The following GALNT17 variants were observed in gnomAD, a reference collection of about 807,000 sequenced individuals.
GALNT17 encodes polypeptide N-acetylgalactosaminyltransferase 17.
A neutral mutation model predicts 63.7 loss-of-function variants in GALNT17; 29 were observed. That is an observed-to-expected ratio of 0.46 (90% CI 0.34 to 0.62). The LOEUF is 0.62. Among genes scored for constraint, GALNT17 ranks in the 20% least tolerant of loss-of-function variants. GALNT17 has a pLI of 0.01. For missense variants in GALNT17, 603 were observed against 799.6 expected, an observed-to-expected ratio of 0.75 and a Z score of 2.97; for synonymous variants, 305 against 318.3, an observed-to-expected ratio of 0.96 and a Z score of 0.45.
Position 71,155,203 on chromosome 7 carries a change from A to T in GALNT17, c.238+22163A>T, listed in dbSNP as rs117027787. ...TCATACCCAGTCTCTGAACCCTAGC[A>T]CCACAGTTCCTTATATTGTGCTGTT... On this transcript the variant is annotated intron_variant, in intron 1 of 10. Coordinates refer to ENST00000333538, the MANE Select transcript of GALNT17 (RefSeq NM_022479.3). Among the ~76,000 whole-genome samples, 714 of 151,938 alleles carry T rather than the reference A, an allele frequency of 4.7e-3. 20 individuals are homozygous for T. The highest frequency in any genetic ancestry group is 0.037 in the East Asian group (193 of 5,174).
intron 3 of GALNT17, among the ~76,000 whole-genome samples, chr7:71,403,814 G>T (rs113744178): frequency 2.5e-4 from 38 of 152,248 alleles, no homozygotes; most frequent in African/African-American, 8.2e-4. Flanking sequence ...TCTCCCCAGG[G>T]CTTTACATTT....
In GALNT17 at chr7:71,298,382, A is replaced by C. The variant is rs1485932618; in HGVS notation, c.239-37168A>C. ...TAATGGCTGTACTTTTTGCAAAAAC[A>C]ATCAGAACAGAAAATAAGGATATAT... On this transcript the variant is annotated intron_variant, in intron 1 of 10. Transcript: ENST00000333538. Among the ~76,000 whole-genome samples, 13 of 1,728 alleles carry C rather than the reference A, an allele frequency of 7.5e-3. No individual in the cohort carries two copies. The Non-Finnish European group carries it at 0.15, about 20-fold the overall frequency. 1.1% of individuals were successfully genotyped at this position (1,728 alleles called of 152,430 possible). A position where few individuals can be genotyped will look rare whatever the true frequency, so the allele number is the denominator to read the frequency against.
At chr7:71,144,367 C>G (rs761874008) in intron 1 of GALNT17, among the ~76,000 whole-genome samples, 16 of 152,100 alleles carry the variant, frequency 1.1e-4, no homozygotes, top group Non-Finnish European at 1.9e-4. Flanking sequence ...GATGCAAGCT[C>G]AGGTCTTAGC....
chr7:71,369,727 C>G (rs1441501335), intron 2 of GALNT17, among the ~76,000 whole-genome samples: 3 of 145,798 alleles, frequency 2.1e-5, no homozygotes, highest in Non-Finnish European at 3.0e-5. Context: ...ACACAAGAAT[C>G]ACTTGAACCC....
chr7:71,317,967 G>C (rs1330264619), intron 1 of GALNT17, among the ~76,000 whole-genome samples: 1 of 152,088 alleles, frequency 6.6e-6, no homozygotes, highest in Non-Finnish European at 1.5e-5. Context: ...TGTGGCCCAG[G>C]CTGGAGTGCA....
intron 8 of GALNT17, among the ~76,000 whole-genome samples, chr7:71,676,495 C>T (rs368246653): frequency 2.6e-5 from 4 of 151,828 alleles, no homozygotes; most frequent in African/African-American, 7.3e-5. Context: ...GCGATCCTCC[C>T]GTCTCAGCCT....
chr7:71,439,818 C>T (rs1787033058), intron 5 of GALNT17, among the ~76,000 whole-genome samples: 1 of 152,026 alleles, frequency 6.6e-6, no homozygotes, highest in Non-Finnish European at 1.5e-5. Flanking sequence ...GCTTCATATT[C>T]TCCTTCTGTT....
chr7:71,471,100 C>T (rs760034918), intron 5 of GALNT17, among the ~76,000 whole-genome samples: 1 of 151,656 alleles, frequency 6.6e-6, no homozygotes, highest in Non-Finnish European at 1.5e-5. Flanking sequence ...TTCTTTTCCC[C>T]AGTGTCTCAC....
At chr7:71,580,297 GGATGATAGATGTA>G (rs1158304059) in intron 6 of GALNT17, among the ~76,000 whole-genome samples, 2 of 151,966 alleles carry the variant, frequency 1.3e-5, no homozygotes, top group Admixed American at 6.6e-5. Flanking sequence ...TAAGATACAT[GGATGATAGATGTA>G]GATGATAGAT....
At chr7:71,572,939 C>T (rs1018592980) in intron 6 of GALNT17, among the ~76,000 whole-genome samples, 11 of 152,098 alleles carry the variant, frequency 7.2e-5, no homozygotes, top group Non-Finnish European at 1.3e-4. Context: ...CACCCCTGTA[C>T]GACCAGATTG....
intron 1 of GALNT17, among the ~76,000 whole-genome samples, chr7:71,140,280 G>A (rs559140717): frequency 1.3e-5 from 2 of 152,314 alleles, no homozygotes; most frequent in East Asian, 1.9e-4. Context: ...GAGGACAGGC[G>A]CGGGCCCTGG....
intron 1 of GALNT17, among the ~76,000 whole-genome samples, chr7:71,273,572 A>G (rs1345234888): frequency 1.3e-5 from 2 of 152,208 alleles, no homozygotes; most frequent in Admixed American, 6.5e-5. Context: ...AAGGTAGACA[A>G]TGAAGTATTC....
At chr7:71,675,114 G>A (rs1244481185) in intron 8 of GALNT17, among the ~76,000 whole-genome samples, 2 of 152,090 alleles carry the variant, frequency 1.3e-5, no homozygotes, top group East Asian at 1.9e-4. Context: ...AACCCAGGAG[G>A]TGGAGGTTGC....
chr7:71,168,705 ATGTGTGTG>A (rs10536926), intron 1 of GALNT17, among the ~76,000 whole-genome samples: 2 of 149,046 alleles, frequency 1.3e-5, no homozygotes, highest in African/African-American at 2.5e-5. Flanking sequence ...AGTTACGTGT[ATGTGTGTG>A]TGTGTGTGTG....
intron 1 of GALNT17, among the ~76,000 whole-genome samples, chr7:71,178,901 A>T (rs1788686531): frequency 6.6e-6 from 1 of 152,028 alleles, no homozygotes; most frequent in Admixed American, 6.6e-5. Context: ...AGTTCAGATT[A>T]TATTTTTTCA....
rs1411035966 is a variant in GALNT17 at position 71,132,754 on chromosome 7, G to A, written c.-49G>A. The A allele has an allele frequency of 3.3e-6, 5 of 1,496,230 alleles. No homozygotes were observed. Among genetic ancestry groups the A allele is most frequent in the Non-Finnish European group, 3.6e-6 (4 of 1,109,682 alleles). The allele number at this position is 1,496,230 out of a possible 1,614,324, so 92.7% of individuals were successfully genotyped here. On this transcript the variant is annotated 5_prime_UTR_variant, in exon 1 of 11. Coordinates refer to ENST00000333538, the MANE Select transcript of GALNT17 (RefSeq NM_022479.3). Reference sequence around the variant, plus strand: ...GCCCCTGGCTGCCCCGCGCCTCGCCGGAGCCCGAGGGGGCGCAGGTCCGGG... The same window carrying A: ...GCCCCTGGCTGCCCCGCGCCTCGCCAGAGCCCGAGGGGGCGCAGGTCCGGG...
At chr7:71,415,176 A>G (rs1005783622) in intron 3 of GALNT17, among the ~76,000 whole-genome samples, 5 of 152,104 alleles carry the variant, frequency 3.3e-5, no homozygotes, top group Admixed American at 2.0e-4. Flanking sequence ...GCCAAGTATC[A>G]GTCTTTATGT....
At chr7:71,456,558 A>G (rs1168160272) in intron 5 of GALNT17, among the ~76,000 whole-genome samples, 1 of 151,986 alleles carries the variant, frequency 6.6e-6, no homozygotes, top group Non-Finnish European at 1.5e-5. Flanking sequence ...TCTACTAAAA[A>G]TACAAAACTT....
At chr7:71,351,205 G>T (rs1373015976) in intron 2 of GALNT17, among the ~76,000 whole-genome samples, 6 of 152,056 alleles carry the variant, frequency 3.9e-5, no homozygotes, top group African/African-American at 1.4e-4. Flanking sequence ...AACCTCTCTG[G>T]ACAGAAAGAA....
Sources: allele counts gnomAD v4.1 joint callset (sites outside exome capture counted in the v4.1 genomes callset), GRCh38; gene constraint gnomAD v4.1.1; transcripts MANE v1.5; gene names NCBI Gene and HGNC (gene_info 2026-07-23, HGNC 2026-07-21).